The following CFAP20DC variants were observed in gnomAD, a reference collection of about 807,000 sequenced individuals.
CFAP20DC encodes the protein CFAP20 domain containing.
Under a neutral mutation model 101.7 loss-of-function variants are expected in CFAP20DC, and 84 were observed. The observed-to-expected ratio is 0.83, with a 90% CI of 0.69 to 0.99. The LOEUF (loss-of-function observed/expected upper bound fraction) is 0.99. CFAP20DC is among the 50% of genes least tolerant of loss of function. The pLI is 0.00. For synonymous variants in CFAP20DC, 359 were observed against 351.2 expected, an observed-to-expected ratio of 1.02 and a Z score of -0.25; for missense variants, 1,007 against 970.3, an observed-to-expected ratio of 1.04 and a Z score of -0.50.
intron 5 of CFAP20DC, among the ~76,000 whole-genome samples, chr3:58,931,175 C>G (rs184688301): frequency 0.015 from 2,329 of 152,214 alleles, 33 homozygotes; most frequent in Non-Finnish European, 0.024. Flanking sequence ...AATGCTAGCA[C>G]AGCAGTCTGA....
intron 15 of CFAP20DC, among the ~76,000 whole-genome samples, chr3:58,759,509 C>A (rs920457424): frequency 1.3e-5 from 2 of 152,122 alleles, no homozygotes; most frequent in South Asian, 2.1e-4. Context: ...ATGGAAGTTT[C>A]TTTTGCTGTG....
intron 7 of CFAP20DC, among the ~76,000 whole-genome samples, chr3:58,870,610 C>T (rs1332425352): frequency 2.6e-5 from 4 of 151,472 alleles, no homozygotes; most frequent in East Asian, 3.9e-4. Context: ...AAGAAAGGGC[C>T]GGGCGCGGTG....
At chr3:58,783,457 G>A (rs1240802770) in intron 15 of CFAP20DC, among the ~76,000 whole-genome samples, 2 of 151,884 alleles carry the variant, frequency 1.3e-5, no homozygotes, top group Non-Finnish European at 2.9e-5. Flanking sequence ...CTTCTGCACA[G>A]CAAAACAGAA....
In CFAP20DC at chr3:58,788,130, C is replaced by T. The variant is rs530283777; in HGVS notation, c.2237+18265G>A. ...CATGTTCTGCACATTTGTCCCAGAACTTAAAGTACAATTTAAAAAAAAAAA... is the reference window on the plus strand; with the variant it reads ...CATGTTCTGCACATTTGTCCCAGAATTTAAAGTACAATTTAAAAAAAAAAA... On this transcript the variant is annotated intron_variant, in intron 15 of 16. Transcript: ENST00000482387. The surrounding 1 kb of genome is among the most constrained non-coding windows in gnomAD (Gnocchi z 4.2). Among the ~76,000 whole-genome samples the T allele has an allele frequency of 6.6e-6, 1 of 150,532 alleles. No homozygotes were observed. Among genetic ancestry groups the T allele is most frequent in the Non-Finnish European group, 1.5e-5 (1 of 67,690 alleles).
intron 4 of CFAP20DC, among the ~76,000 whole-genome samples, chr3:58,979,179 T>G (rs996440071): frequency 1.1e-4 from 16 of 151,940 alleles, no homozygotes; most frequent in Non-Finnish European, 2.2e-4. Flanking sequence ...AAGGACAGAG[T>G]GGAAGCTAAG....
At chr3:58,905,042 C>G (rs1307800140) in intron 6 of CFAP20DC, among the ~76,000 whole-genome samples, 1 of 152,120 alleles carries the variant, frequency 6.6e-6, no homozygotes, top group East Asian at 1.9e-4. Context: ...AGGGTCTATG[C>G]CTTCCAGGGC....
At chr3:59,022,607 T>C (rs2093823320) in intron 4 of CFAP20DC, among the ~76,000 whole-genome samples, 2 of 152,104 alleles carry the variant, frequency 1.3e-5, no homozygotes, top group African/African-American at 4.8e-5. Flanking sequence ...TCTATGTACA[T>C]GAAACAGAAA....
intron 4 of CFAP20DC, among the ~76,000 whole-genome samples, chr3:59,032,235 C>T (rs1054578863): frequency 6.6e-6 from 1 of 152,166 alleles, no homozygotes; most frequent in African/African-American, 2.4e-5. Context: ...GCCTACACCA[C>T]CAGGGCCCTA....
chr3:58,983,901 A>G (rs907311735), intron 4 of CFAP20DC, among the ~76,000 whole-genome samples: 1 of 152,182 alleles, frequency 6.6e-6, no homozygotes, highest in Non-Finnish European at 1.5e-5. Flanking sequence ...CAACCCAGGC[A>G]GTCTGGCCCT....
intron 14 of CFAP20DC, among the ~76,000 whole-genome samples, chr3:58,811,108 T>C (rs960460682): frequency 5.3e-4 from 80 of 152,120 alleles, no homozygotes; most frequent in Non-Finnish European, 8.5e-4. Context: ...AGAATCAATA[T>C]CGTGAAAATG....
intron 15 of CFAP20DC, among the ~76,000 whole-genome samples, chr3:58,770,339 T>C (rs561032956): frequency 6.6e-6 from 1 of 152,316 alleles, no homozygotes; most frequent in South Asian, 2.1e-4. Flanking sequence ...CCCTGTGCTG[T>C]TGCAGACTTT....
intron 4 of CFAP20DC, among the ~76,000 whole-genome samples, chr3:58,967,488 G>C (rs78064992): frequency 5.3e-5 from 8 of 152,084 alleles, no homozygotes; most frequent in African/African-American, 1.9e-4. Context: ...CAAAGCACAA[G>C]CAATAAAAGA....
intron 15 of CFAP20DC, among the ~76,000 whole-genome samples, chr3:58,790,111 G>A (rs2072726230): frequency 1.3e-5 from 2 of 152,094 alleles, no homozygotes. Context: ...CTCAATGAAT[G>A]ATCCCACAGT....
rs142707580 is a variant in CFAP20DC, at chr3:58,960,275, C to G, written c.279-22513G>C. Among the ~76,000 whole-genome samples the G allele has an allele frequency of 7.2e-3, 1,089 of 151,298 alleles. 1 individual carries two copies. Among genetic ancestry groups the G allele is most frequent in the Non-Finnish European group, 0.011 (764 of 67,796 alleles). On this transcript the variant is annotated intron_variant, in intron 4 of 16. Coordinates refer to ENST00000482387, the MANE Select transcript of CFAP20DC (RefSeq NM_001394063.1). ...TGGGAGGCCGAGGTGGGTGGATCACCTGAGGTCGGGAGTTCGGGACTAGCC... is the reference window on the plus strand; with the variant it reads ...TGGGAGGCCGAGGTGGGTGGATCACGTGAGGTCGGGAGTTCGGGACTAGCC...
intron 4 of CFAP20DC, among the ~76,000 whole-genome samples, chr3:59,021,538 C>T (rs2093802715): frequency 6.6e-6 from 1 of 152,080 alleles, no homozygotes; most frequent in South Asian, 2.1e-4. Flanking sequence ...AGCTTACAAC[C>T]TCTAAAATTG....
At chr3:58,756,220 AC>A (rs947049013) in intron 15 of CFAP20DC, among the ~76,000 whole-genome samples, 3 of 151,896 alleles carry the variant, frequency 2.0e-5, no homozygotes, top group Admixed American at 1.3e-4. Flanking sequence ...CGTATTTGTA[AC>A]CCCCCTCTGA....
intron 14 of CFAP20DC, among the ~76,000 whole-genome samples, chr3:58,824,014 G>C (rs114044985): frequency 6.6e-6 from 1 of 152,080 alleles, no homozygotes; most frequent in Non-Finnish European, 1.5e-5. Flanking sequence ...AGAACAACTT[G>C]CACATTTCAA....
chr3:59,030,409 A>G (rs1014855207), intron 4 of CFAP20DC, among the ~76,000 whole-genome samples: 1 of 152,242 alleles, frequency 6.6e-6, no homozygotes, highest in Non-Finnish European at 1.5e-5. Flanking sequence ...ATCAGTAACA[A>G]ATTCAAATAG....
At chr3:58,851,075 A>G (rs1299913512) in intron 12 of CFAP20DC, among the ~76,000 whole-genome samples, 1 of 152,146 alleles carries the variant, frequency 6.6e-6, no homozygotes, top group African/African-American at 2.4e-5. Context: ...TTTCTTCTTC[A>G]TCACGGGCCA....
Sources: gnomAD v4.1 joint callset for allele counts (sites outside exome capture counted in the v4.1 genomes callset) on GRCh38, gnomAD v4.1.1 for gene constraint, Gnocchi (gnomAD v3.1) non-coding constraint, MANE v1.5 for transcripts, NCBI Gene and HGNC (gene_info 2026-07-23, HGNC 2026-07-21) for gene names.